The following GLIS3 variants were observed in gnomAD, a reference collection of about 807,000 sequenced individuals.
GLIS3 encodes the protein zinc finger protein GLIS3.
Under a neutral mutation model 78.6 loss-of-function variants are expected in GLIS3, and 53 were observed. The observed-to-expected ratio is 0.67, with a 90% CI of 0.54 to 0.85. The LOEUF is 0.85. Ranked by LOEUF, GLIS3 falls within the 40% of genes least tolerant of loss-of-function variation. The pLI is 0.00. For synonymous variants in GLIS3, 684 were observed against 509.9 expected, an observed-to-expected ratio of 1.34 and a Z score of -4.60; for missense variants, 1,703 against 1,231.1, an observed-to-expected ratio of 1.38 and a Z score of -5.74.
the GLIS3 span, among the ~76,000 whole-genome samples, chr9:4,481,037 G>A: frequency 1.3e-5 from 2 of 152,022 alleles, no homozygotes; most frequent in African/African-American, 4.8e-5. Flanking sequence ...TGTATTTTTT[G>A]TAGAGACAGG....
At chr9:4,385,034 T>C in the GLIS3 span, among the ~76,000 whole-genome samples, 9,259 of 152,214 alleles carry the variant, frequency 0.061, 303 homozygotes, top group South Asian at 0.11. Context: ...CTTTTAGAAG[T>C]TGCTTGTAAA....
intron 4 of GLIS3, among the ~76,000 whole-genome samples, chr9:4,056,187 C>G (rs990010914): frequency 1.3e-5 from 2 of 152,196 alleles, no homozygotes; most frequent in Non-Finnish European, 2.9e-5. Flanking sequence ...AGCAGGGTGT[C>G]CTGCAAAGTA....
the GLIS3 span, among the ~76,000 whole-genome samples, chr9:4,485,782 G>T: frequency 6.7e-6 from 1 of 149,748 alleles, no homozygotes; most frequent in Non-Finnish European, 1.5e-5. Flanking sequence ...GTGCAATGTC[G>T]CAATCTCAGC....
intron 2 of GLIS3, among the ~76,000 whole-genome samples, chr9:4,180,279 G>C (rs1286538095): frequency 6.6e-6 from 1 of 152,142 alleles, no homozygotes; most frequent in Admixed American, 6.5e-5. Context: ...TCCGGTCCTA[G>C]GTCAGCAATG....
At chr9:3,933,745 A>C (rs770844279) in intron 5 of GLIS3, among the ~76,000 whole-genome samples, 7 of 152,190 alleles carry the variant, frequency 4.6e-5, no homozygotes, top group African/African-American at 7.2e-5. Flanking sequence ...TTCCTTTTTA[A>C]TGTTGCTTCT....
At chr9:4,077,722 G>A (rs545816328) in intron 4 of GLIS3, among the ~76,000 whole-genome samples, 1 of 152,250 alleles carries the variant, frequency 6.6e-6, no homozygotes, top group South Asian at 2.1e-4. Flanking sequence ...AAAGAGAAAG[G>A]GCGGGCTGGT....
At chr9:4,270,933 GTA>G (rs1413282928) in intron 2 of GLIS3, among the ~76,000 whole-genome samples, 1,229 of 77,564 alleles carry the variant, frequency 0.016, 11 homozygotes, top group Middle Eastern at 0.05. Flanking sequence ...GTGTGTGTGT[GTA>G]TACACAACTG....
intron 2 of GLIS3, among the ~76,000 whole-genome samples, chr9:4,263,601 T>C (rs1374368552): frequency 3.9e-5 from 6 of 152,180 alleles, no homozygotes; most frequent in Admixed American, 1.3e-4. Flanking sequence ...GTTTCTGTCA[T>C]TTTCCAAATA....
chr9:4,283,277 T>G (rs571022108), intron 2 of GLIS3, among the ~76,000 whole-genome samples: 1 of 151,628 alleles, frequency 6.6e-6, no homozygotes, highest in Admixed American at 6.6e-5. Flanking sequence ...TTGTTTTTTT[T>G]TTTTTTGAGA....
chr9:4,344,153 C>G (rs1057389217), intron 2 of GLIS3, among the ~76,000 whole-genome samples: 3 of 152,172 alleles, frequency 2.0e-5, no homozygotes, highest in Admixed American at 2.0e-4. Context: ...TTTCCATCTA[C>G]CAGCCCACTT....
chr9:4,081,311 T>TA (rs1828537903), intron 4 of GLIS3: 1 of 152,242 alleles, frequency 6.6e-6, no homozygotes, highest in Non-Finnish European at 1.5e-5. Context: ...TAACCCTTTT[T>TA]ACCCTGTCGC....
intron 4 of GLIS3, among the ~76,000 whole-genome samples, chr9:3,996,377 T>C (rs572616616): frequency 3.9e-5 from 6 of 152,268 alleles, no homozygotes; most frequent in African/African-American, 1.4e-4. Context: ...AACACTAAGG[T>C]TTAATTTGTG....
chr9:4,198,962 T>C (rs951013883), intron 2 of GLIS3, among the ~76,000 whole-genome samples: 6 of 152,148 alleles, frequency 3.9e-5, no homozygotes, highest in Non-Finnish European at 1.5e-5. Context: ...CCCACCAAAC[T>C]AAGCTTCATA....
intron 4 of GLIS3, among the ~76,000 whole-genome samples, chr9:4,097,407 C>T (rs1830042496): frequency 6.6e-6 from 1 of 151,992 alleles, no homozygotes; most frequent in East Asian, 1.9e-4. Context: ...TCAGTGCCCA[C>T]CTGGGCAAGA....
At chr9:3,949,444 A>T (rs1418131938) in intron 4 of GLIS3, among the ~76,000 whole-genome samples, 1 of 152,242 alleles carries the variant, frequency 6.6e-6, no homozygotes, top group East Asian at 1.9e-4. Flanking sequence ...TACCTGGCAT[A>T]AAAGAGTCAA....
chr9:4,236,614 C>G (rs957428693), intron 2 of GLIS3, among the ~76,000 whole-genome samples: 3 of 152,128 alleles, frequency 2.0e-5, no homozygotes, highest in Non-Finnish European at 4.4e-5. Flanking sequence ...AGTCTAATTT[C>G]CACCACATGA....
Position 3,907,607 on chromosome 9 carries a change from CACACACACACACACACAG to C in GLIS3, c.1984-8790_1984-8773del, listed in dbSNP as rs1325617009. On this transcript the variant is annotated intron_variant, in intron 6 of 10. Coordinates refer to ENST00000381971, the MANE Select transcript of GLIS3 (RefSeq NM_001042413.2). ...TGGCTAGCATCCTCCACCCCCCAAACACACACACACACACACAGACACACACACACACACACACACACA... is the reference window on the plus strand; with the variant it reads ...TGGCTAGCATCCTCCACCCCCCAAACACACACACACACACACACACACACA... Among the ~76,000 whole-genome samples the C allele has an allele frequency of 5.2e-3, 424 of 81,746 alleles. 2 individuals carry two copies. Among genetic ancestry groups the C allele is most frequent in the African/African-American group, 0.014 (321 of 22,872 alleles). The allele number at this position is 81,746 out of a possible 152,430, so 53.6% of individuals were successfully genotyped here.
At chr9:4,186,450 A>G (rs1355556515) in intron 2 of GLIS3, among the ~76,000 whole-genome samples, 2 of 151,984 alleles carry the variant, frequency 1.3e-5, no homozygotes, top group South Asian at 2.1e-4. Flanking sequence ...ATAGTGCCAC[A>G]ATAAACATAT....
chr9:4,220,927 G>A (rs1180256367), intron 2 of GLIS3, among the ~76,000 whole-genome samples: 1 of 152,094 alleles, frequency 6.6e-6, no homozygotes, highest in African/African-American at 2.4e-5. Context: ...GGAGGTTGCA[G>A]TGAGCCATGA....
Sources: allele counts gnomAD v4.1 joint callset (sites outside exome capture counted in the v4.1 genomes callset), GRCh38; gene constraint gnomAD v4.1.1; transcripts MANE v1.5; gene names NCBI Gene and HGNC (gene_info 2026-07-23, HGNC 2026-07-21).